The following HDAC4 variants were observed in gnomAD, a reference collection of about 807,000 sequenced individuals.
The protein encoded by HDAC4 is histone deacetylase 4, also known as histone deacetylase A.
HDAC4 carries 16 observed loss-of-function variants against 135.1 expected under a neutral mutation model. That is an observed-to-expected ratio of 0.12 (90% CI 0.08 to 0.18). The LOEUF is 0.18. Among genes scored for constraint, HDAC4 ranks in the 10% least tolerant of loss-of-function variants. The probability of loss-of-function intolerance (pLI) is 1.00; values close to 1 mark genes in which losing one functional copy is unlikely to be tolerated. For synonymous variants in HDAC4, 685 were observed against 653.4 expected (o/e 1.05, Z -0.74); for missense variants, 1,143 against 1,511.8 (o/e 0.76, Z 4.05).
chr2:239,344,214 G>A (rs1249770035), intron 2 of HDAC4, among the ~76,000 whole-genome samples: 2 of 151,966 alleles, frequency 1.3e-5, no homozygotes, highest in Non-Finnish European at 1.5e-5. Flanking sequence ...CAGCCTTTCT[G>A]TTCCCCGCCA....
Position 239,277,519 on chromosome 2 carries a change from C to T in HDAC4, c.23-40855G>A, listed in dbSNP as rs199668141. The stretch of plus-strand genomic sequence containing the variant: ...TGCCAGTCACGCCATGGTGGCCCAT[C>T]GCTGATCATCACACGTTCTGTACTC... On this transcript the variant is annotated intron_variant, in intron 2 of 26. Transcript: ENST00000543185. Among the ~76,000 whole-genome samples the T allele has an allele frequency of 4.6e-5, 7 of 152,186 alleles. No individual in the cohort carries two copies. In the East Asian group the frequency reaches 1.2e-3, roughly 25 times the overall value.
chr2:239,262,521 G>A lies in HDAC4; in HGVS notation c.23-25857C>T, dbSNP rs1022859101. 4.6e-5 allele frequency among the ~76,000 whole-genome samples: 7 copies of A among 152,190 alleles called. No homozygotes were observed. The highest frequency in any genetic ancestry group is 8.8e-5 in the Non-Finnish European group (6 of 68,032). On this transcript the variant is annotated intron_variant, in intron 2 of 26. Coordinates refer to ENST00000543185, the MANE Select transcript of HDAC4 (RefSeq NM_001378414.1). This position sits in a 1 kb window ranked among gnomAD's most constrained non-coding sequence, Gnocchi z 4.1. ...CTTGTTTGCCCAGGTCCGAGATGAG[G>A]TAATGCCATTAGCAGGCAAGACTGA...
chr2:239,160,730 CCT>C (rs1376817324), intron 6 of HDAC4, among the ~76,000 whole-genome samples: 3 of 152,384 alleles, frequency 2.0e-5, no homozygotes, highest in East Asian at 1.9e-4. Flanking sequence ...CGGCCGTTCC[CCT>C]GTTGATAGCT....
intron 23 of HDAC4, among the ~76,000 whole-genome samples, chr2:239,067,140 A>C (rs536568052): frequency 6.6e-6 from 1 of 152,336 alleles, no homozygotes; most frequent in Non-Finnish European, 1.5e-5. Flanking sequence ...GCTGCAGGCC[A>C]CCTGCCCTTC....
chr2:239,382,491 T>G lies in HDAC4; in HGVS notation c.-220+18487A>C, dbSNP rs143378428. On this transcript the variant is annotated intron_variant, in intron 1 of 26. Transcript: ENST00000543185. Reference sequence around the variant, plus strand: ...TACAAGATACACATTTTCTACTTTGTGCCTTTCTGATCATGTAATGGGTAG... The same window carrying G: ...TACAAGATACACATTTTCTACTTTGGGCCTTTCTGATCATGTAATGGGTAG... Among the ~76,000 whole-genome samples the G allele has an allele frequency of 3.9e-5, 6 of 152,366 alleles. No homozygotes were observed. The East Asian group carries it at 1.2e-3, about 29-fold the overall frequency.
intron 2 of HDAC4, among the ~76,000 whole-genome samples, chr2:239,297,607 G>T (rs2051987697): frequency 6.6e-6 from 1 of 152,184 alleles, no homozygotes; most frequent in Non-Finnish European, 1.5e-5. Context: ...ATCACCTGTG[G>T]TCACTGCTGG....
At chr2:239,137,032 C>T (rs2041009717) in intron 9 of HDAC4, among the ~76,000 whole-genome samples, 1 of 144,654 alleles carries the variant, frequency 6.9e-6, no homozygotes, top group African/African-American at 2.9e-5. Flanking sequence ...AGAGGAAATG[C>T]TTGTGTTATC....
At position 239,051,211 on chromosome 2, in the gene HDAC4, A is replaced by T. The variant is rs1318387927; in HGVS notation, c.*1886T>A. 1 of 152,428 alleles carries T rather than the reference A, an allele frequency of 6.6e-6. No homozygotes were observed. The highest frequency in any genetic ancestry group is 1.5e-5 in the Non-Finnish European group (1 of 68,030). The allele number at this position is 152,428 out of a possible 1,614,324, so 9.4% of individuals were successfully genotyped here. A position where few individuals can be genotyped will look rare whatever the true frequency, so the allele number is the denominator to read the frequency against. On this transcript the variant is annotated 3_prime_UTR_variant, in exon 27 of 27. Coordinates refer to ENST00000543185, the MANE Select transcript of HDAC4 (RefSeq NM_001378414.1). The stretch of plus-strand genomic sequence containing the variant: ...ACACACCACCCCTCGTAATACTACT[A>T]GTGTTGAAAGTTAAAAAGAGCCCCT...
At chr2:239,056,953 T>C (rs2031943768) in intron 24 of HDAC4, among the ~76,000 whole-genome samples, 5 of 152,142 alleles carry the variant, frequency 3.3e-5, no homozygotes, top group Admixed American at 3.3e-4. Context: ...CAGTGCTCCT[T>C]GAAAAACCAT....
At chr2:239,383,765 G>T (rs753699891) in intron 1 of HDAC4, among the ~76,000 whole-genome samples, 14 of 152,194 alleles carry the variant, frequency 9.2e-5, no homozygotes, top group Non-Finnish European at 1.8e-4. Context: ...CTCCCTCAAC[G>T]ATGGCCGGGG....
At chr2:239,333,953 C>T (rs1691753335) in intron 2 of HDAC4, among the ~76,000 whole-genome samples, 1 of 152,100 alleles carries the variant, frequency 6.6e-6, no homozygotes, top group Admixed American at 6.5e-5. Context: ...CTACTATTAC[C>T]ATTTGACTGA....
At chr2:239,249,486 T>C (rs768402091) in intron 2 of HDAC4, among the ~76,000 whole-genome samples, 10 of 152,144 alleles carry the variant, frequency 6.6e-5, no homozygotes, top group Non-Finnish European at 1.5e-4. Context: ...AAATGCAGAT[T>C]TGATGGAACC....
chr2:239,367,849 C>T (rs1042328097), intron 1 of HDAC4, among the ~76,000 whole-genome samples: 1 of 152,090 alleles, frequency 6.6e-6, no homozygotes, highest in Non-Finnish European at 1.5e-5. Flanking sequence ...TGGTGTATGT[C>T]TGTAATTCCA....
chr2:239,219,527 G>A (rs1221621704), intron 3 of HDAC4, among the ~76,000 whole-genome samples: 1 of 151,978 alleles, frequency 6.6e-6, no homozygotes, highest in Non-Finnish European at 1.5e-5. Flanking sequence ...TAAATGACGA[G>A]TTAATGGGTG....
At chr2:239,264,617 T>C (rs1174695587) in intron 2 of HDAC4, among the ~76,000 whole-genome samples, 1 of 152,206 alleles carries the variant, frequency 6.6e-6, no homozygotes, top group Non-Finnish European at 1.5e-5. Context: ...TCCCTAGGGC[T>C]CGCAGCCTGA....
chr2:239,071,112 T>C (rs1462941193), intron 22 of HDAC4, among the ~76,000 whole-genome samples: 2 of 152,000 alleles, frequency 1.3e-5, no homozygotes, highest in Middle Eastern at 3.2e-3. Context: ...TGTGGAGGAC[T>C]CTTGGTGGCG....
chr2:239,338,000 T>C (rs1692056798), intron 2 of HDAC4, among the ~76,000 whole-genome samples: 1 of 152,136 alleles, frequency 6.6e-6, no homozygotes. Flanking sequence ...AGCCAGGCCA[T>C]GCAGAAGGCA....
At chr2:239,353,443 G>A (rs1302717187) in intron 1 of HDAC4, among the ~76,000 whole-genome samples, 1 of 152,204 alleles carries the variant, frequency 6.6e-6, no homozygotes, top group Non-Finnish European at 1.5e-5. Flanking sequence ...CCAGAGAGCA[G>A]GGTTTCTCAG....
At chr2:239,165,336 C>G (rs1001517114) in intron 5 of HDAC4, among the ~76,000 whole-genome samples, 16 of 152,204 alleles carry the variant, frequency 1.1e-4, no homozygotes, top group African/African-American at 3.9e-4. Context: ...ACCATTTGCC[C>G]AAATCCAAAA....
Sources: allele counts gnomAD v4.1 joint callset (sites outside exome capture counted in the v4.1 genomes callset), GRCh38; gene constraint gnomAD v4.1.1; non-coding constraint Gnocchi (gnomAD v3.1); transcripts MANE v1.5; gene names NCBI Gene and HGNC (gene_info 2026-07-23, HGNC 2026-07-21).